The following RYR2 variants were observed in gnomAD, a reference collection of about 807,000 sequenced individuals.
RYR2 encodes the protein cardiac muscle ryanodine receptor-calcium release channel.
A neutral mutation model predicts 601.1 loss-of-function variants in RYR2; 227 were observed. The observed-to-expected ratio is 0.38, with a 90% CI of 0.34 to 0.42. The LOEUF (loss-of-function observed/expected upper bound fraction) is 0.42. Among genes scored for constraint, RYR2 ranks in the 10% least tolerant of loss-of-function variants. RYR2 has a pLI of 1.00. For synonymous variants in RYR2, 2,223 were observed against 2,175.1 expected, an observed-to-expected ratio of 1.02 and a Z score of -0.61; for missense variants, 4,646 against 6,156.5, an observed-to-expected ratio of 0.75 and a Z score of 8.21.
chr1:237,125,441 A>T (rs1307097341), intron 1 of RYR2, among the ~76,000 whole-genome samples: 1 of 151,578 alleles, frequency 6.6e-6, no homozygotes, highest in African/African-American at 2.4e-5. Context: ...AAAAAAAAGC[A>T]GACTTATAGA....
intron 1 of RYR2, among the ~76,000 whole-genome samples, chr1:237,189,052 C>T (rs939561019): frequency 1.3e-5 from 2 of 152,174 alleles, no homozygotes; most frequent in Admixed American, 1.3e-4. Context: ...CTTCCTCCCC[C>T]GTCCTCCTCC....
chr1:237,284,548 G>GTGTA (rs1553380559), intron 2 of RYR2, among the ~76,000 whole-genome samples: 9 of 140,758 alleles, frequency 6.4e-5, no homozygotes, highest in African/African-American at 1.1e-4. Context: ...TATAGTGTGT[G>GTGTA]TATATATATA....
At chr1:237,479,024 A>G (rs534412640) in intron 17 of RYR2, among the ~76,000 whole-genome samples, 2 of 152,320 alleles carry the variant, frequency 1.3e-5, no homozygotes, top group East Asian at 3.9e-4. Flanking sequence ...AGGCTTCGTA[A>G]CCCACCTAGC....
At chr1:237,321,611 G>A (rs1294037046) in intron 2 of RYR2, among the ~76,000 whole-genome samples, 3 of 152,116 alleles carry the variant, frequency 2.0e-5, no homozygotes, top group Admixed American at 2.0e-4. Context: ...ATAATTGAAT[G>A]GCAACCAAAT....
intron 10 of RYR2, among the ~76,000 whole-genome samples, chr1:237,399,141 G>A (rs1290652290): frequency 6.6e-6 from 1 of 152,184 alleles, no homozygotes; most frequent in Non-Finnish European, 1.5e-5. Context: ...GTTGCAGTGA[G>A]CTGAGATCAT....
chr1:237,108,431 T>C (rs1669008563), intron 1 of RYR2, among the ~76,000 whole-genome samples: 1 of 152,170 alleles, frequency 6.6e-6, no homozygotes, highest in Non-Finnish European at 1.5e-5. Context: ...GCCTGCTAAT[T>C]GAATTCCTGG....
intron 23 of RYR2, among the ~76,000 whole-genome samples, chr1:237,508,871 T>A (rs959028175): frequency 6.7e-6 from 1 of 148,636 alleles, no homozygotes; most frequent in Admixed American, 6.8e-5. Context: ...GCCTCCCGAG[T>A]AGCTGGGACT....
chr1:237,689,669 G>C (rs1686765585), intron 63 of RYR2, among the ~76,000 whole-genome samples: 2 of 151,978 alleles, frequency 1.3e-5, no homozygotes, highest in Admixed American at 1.3e-4. Context: ...ATTTATTGGA[G>C]ACCTGGTATG....
chr1:237,484,808 CA>C (rs1332662249), intron 17 of RYR2, among the ~76,000 whole-genome samples: 2 of 151,874 alleles, frequency 1.3e-5, no homozygotes, highest in Admixed American at 6.6e-5. Context: ...TTTTTGGTTA[CA>C]AAAAACATGA....
chr1:237,660,729 T>G, intron 55 of RYR2, 81 bp from the exon 56 acceptor site: 1 of 1,253,812 alleles, frequency 8.0e-7, no homozygotes, highest in Non-Finnish European at 1.1e-6. Context: ...GTGAAGGCAG[T>G]CTATTTTAGA....
At chr1:237,741,446 A>G (rs947668377) in intron 79 of RYR2, among the ~76,000 whole-genome samples, 7 of 152,156 alleles carry the variant, frequency 4.6e-5, no homozygotes, top group Non-Finnish European at 8.8e-5. Flanking sequence ...AAATACGTGT[A>G]AGGGTTGGAA....
Position 237,651,492 on chromosome 1 carries a change from G to A in RYR2, c.7815G>A (p.Met2605Ile), listed in dbSNP as rs1244019330. 7.1e-6 allele frequency: 11 copies of A among 1,551,784 alleles called. No homozygotes were observed. The Admixed American group carries it at 1.7e-4, about 24-fold the overall frequency. Residue 2605 changes from methionine (M) to isoleucine (I), a missense_variant, in exon 51 of 105, where the codon ATG becomes ATA. Transcript: ENST00000366574. ...CATTATTAAATGAACACGCAAAGAT[G>A]CCTCTTAAAGTAAGTATAGGAAATG... is the stretch of plus-strand genomic sequence containing the variant. ...DVPLLNEHAKMPLKLLTNHYE... is the reference protein window; with the variant it reads ...DVPLLNEHAKIPLKLLTNHYE...
At chr1:237,482,198 C>A (rs80127105) in intron 17 of RYR2, among the ~76,000 whole-genome samples, 1 of 152,016 alleles carries the variant, frequency 6.6e-6, no homozygotes, top group Non-Finnish European at 1.5e-5. Flanking sequence ...AATCCAGTTA[C>A]GTTCTTTAAG....
At chr1:237,062,203 T>A (rs1215709624) in intron 1 of RYR2, among the ~76,000 whole-genome samples, 1 of 152,222 alleles carries the variant, frequency 6.6e-6, no homozygotes, top group Non-Finnish European at 1.5e-5. Context: ...TTCAAAATTA[T>A]CTTTGCTATT....
At chr1:237,209,213 A>G (rs889556586) in intron 1 of RYR2, among the ~76,000 whole-genome samples, 5 of 151,228 alleles carry the variant, frequency 3.3e-5, no homozygotes, top group Admixed American at 2.6e-4. Context: ...GAGTTTATGC[A>G]TATAGAAGTG....
At chr1:237,558,969 CACTA>C (rs1029655249) in intron 27 of RYR2, among the ~76,000 whole-genome samples, 10 of 150,654 alleles carry the variant, frequency 6.6e-5, no homozygotes, top group African/African-American at 2.2e-4. Context: ...TATTGATATT[CACTA>C]TTTGGTGAAG....
At chr1:237,390,846 C>T (rs551601006) in intron 10 of RYR2, among the ~76,000 whole-genome samples, 1 of 152,136 alleles carries the variant, frequency 6.6e-6, no homozygotes, top group South Asian at 2.1e-4. Context: ...GTAATTAGAC[C>T]AGCCTATCAG....
intron 6 of RYR2, among the ~76,000 whole-genome samples, chr1:237,373,578 A>T (rs1700806994): frequency 6.6e-6 from 1 of 152,208 alleles, no homozygotes; most frequent in Non-Finnish European, 1.5e-5. Context: ...TGTTCTTACA[A>T]CACATTCATC....
chr1:237,057,267 G>A (rs1356806597), intron 1 of RYR2, among the ~76,000 whole-genome samples: 3 of 152,016 alleles, frequency 2.0e-5, no homozygotes, highest in Non-Finnish European at 2.9e-5. Context: ...CTCACTGCAA[G>A]CTCCACCTCC....
Sources: allele counts gnomAD v4.1 joint callset (sites outside exome capture counted in the v4.1 genomes callset), GRCh38; gene constraint gnomAD v4.1.1; transcripts MANE v1.5; gene names NCBI Gene and HGNC (gene_info 2026-07-23, HGNC 2026-07-21).